Variants in EDIL3 observed in about 807,000 individuals in gnomAD.
EDIL3 encodes the protein EGF-like repeat and discoidin I-like domain-containing protein 3.
Under a neutral mutation model 67.4 loss-of-function variants are expected in EDIL3, and 37 were observed. That is an observed-to-expected ratio of 0.55 (90% CI 0.42 to 0.72). EDIL3 has a LOEUF of 0.72. EDIL3 is among the 30% of genes least tolerant of loss of function. The pLI, the probability that EDIL3 is intolerant of heterozygous loss-of-function variation, is 0.00. For synonymous variants in EDIL3, 195 were observed against 196.3 expected, an observed-to-expected ratio of 0.99 and a Z score of 0.05; for missense variants, 527 against 586.3, an observed-to-expected ratio of 0.90 and a Z score of 1.04.
intron 4 of EDIL3, among the ~76,000 whole-genome samples, chr5:84,150,152 C>CA (rs1748364167): frequency 6.6e-6 from 1 of 152,030 alleles, no homozygotes; most frequent in African/African-American, 2.4e-5. Context: ...CAAAAGACAT[C>CA]AAAATTATTC....
intron 3 of EDIL3, among the ~76,000 whole-genome samples, chr5:84,208,495 A>C (rs1291598389): frequency 6.6e-6 from 1 of 151,088 alleles, no homozygotes; most frequent in African/African-American, 2.4e-5. Flanking sequence ...CTGGCTAACA[A>C]GGTGAAACCC....
At chr5:84,076,631 G>C (rs1746861890) in intron 6 of EDIL3, among the ~76,000 whole-genome samples, 1 of 152,104 alleles carries the variant, frequency 6.6e-6, no homozygotes, top group Non-Finnish European at 1.5e-5. Flanking sequence ...CATCAGAAAA[G>C]TTTTTAATTA....
intron 4 of EDIL3, among the ~76,000 whole-genome samples, chr5:84,143,114 G>T (rs1748232555): frequency 6.6e-6 from 1 of 151,862 alleles, no homozygotes; most frequent in African/African-American, 2.4e-5. Flanking sequence ...TTTAAAGATT[G>T]AATTTCTATT....
At chr5:84,041,256 C>T (rs6875227) in intron 9 of EDIL3, among the ~76,000 whole-genome samples, 7,517 of 151,954 alleles carry the variant, frequency 0.049, 627 homozygotes, top group African/African-American at 0.17. Context: ...ATATATTTGT[C>T]CAAAAATGCA....
chr5:84,316,063 G>C (rs959364726), intron 1 of EDIL3, among the ~76,000 whole-genome samples: 4 of 152,178 alleles, frequency 2.6e-5, no homozygotes, highest in Non-Finnish European at 5.9e-5. Context: ...GAAATGCTGA[G>C]AGATGTTGTC....
chr5:84,085,498 T>C (rs923135769), intron 6 of EDIL3, among the ~76,000 whole-genome samples: 1 of 152,164 alleles, frequency 6.6e-6, no homozygotes, highest in Non-Finnish European at 1.5e-5. Context: ...CTGGGTATCA[T>C]CACTGGAGGC....
intron 6 of EDIL3, among the ~76,000 whole-genome samples, chr5:84,098,725 C>T (rs1747309870): frequency 6.6e-6 from 1 of 152,084 alleles, no homozygotes; most frequent in African/African-American, 2.4e-5. Flanking sequence ...AACAAAACTA[C>T]AACACTTCAG....
rs527669296 is a variant in EDIL3, at chr5:84,049,549, T to C, written c.1137+10751A>G. 2.4e-4 allele frequency among the ~76,000 whole-genome samples: 36 copies of C among 152,324 alleles called. No individual in the cohort carries two copies. In the South Asian group the frequency reaches 7.0e-3, roughly 30 times the overall value. ...TGTGAGTTAAATGTTACTTTATTTTTATAACAAAGATTAATATCTATCCTA... is the reference window on the plus strand; with the variant it reads ...TGTGAGTTAAATGTTACTTTATTTTCATAACAAAGATTAATATCTATCCTA... On this transcript the variant is annotated intron_variant, in intron 9 of 10. Coordinates refer to ENST00000296591, the MANE Select transcript of EDIL3 (RefSeq NM_005711.5).
In EDIL3 at chr5:83,942,562, C is replaced by A. The variant is rs1139750; in HGVS notation, c.*857G>T. 1 of 151,880 alleles carries A rather than the reference C, an allele frequency of 6.6e-6. No individual in the cohort carries two copies. Among genetic ancestry groups the A allele is most frequent in the Admixed American group, 6.6e-5 (1 of 15,214 alleles). The allele number at this position is 151,880 out of a possible 1,614,324, so 9.4% of individuals were successfully genotyped here. A position where few individuals can be genotyped will look rare whatever the true frequency, so the allele number is the denominator to read the frequency against. On this transcript the variant is annotated 3_prime_UTR_variant, in exon 11 of 11. Transcript: ENST00000296591. ...TAAAGAGACATATATATTTTTTGTT[C>A]TTTTGTGCAAACTGAGAGTATGGGA... is the stretch of plus-strand genomic sequence containing the variant.
At chr5:84,083,286 C>T (rs1004105447) in intron 6 of EDIL3, among the ~76,000 whole-genome samples, 3 of 152,000 alleles carry the variant, frequency 2.0e-5, no homozygotes, top group Non-Finnish European at 2.9e-5. Context: ...TTAGGGATAA[C>T]GGTGGTGCTA....
At chr5:84,224,749 A>T (rs1458152430) in intron 3 of EDIL3, among the ~76,000 whole-genome samples, 1 of 151,560 alleles carries the variant, frequency 6.6e-6, no homozygotes, top group African/African-American at 2.4e-5. Context: ...AAGTCAGATA[A>T]ATATAGTAGC....
chr5:84,056,425 C>G (rs190168827), intron 9 of EDIL3, among the ~76,000 whole-genome samples: 142 of 152,092 alleles, frequency 9.3e-4, no homozygotes, highest in Non-Finnish European at 1.7e-3. Flanking sequence ...ACATATGTAA[C>G]AAACCTTCAC....
At chr5:84,195,874 A>G (rs1001214452) in intron 3 of EDIL3, among the ~76,000 whole-genome samples, 4 of 151,972 alleles carry the variant, frequency 2.6e-5, no homozygotes, top group African/African-American at 7.2e-5. Context: ...TTTGATCTAT[A>G]TGCTAGAGGG....
At chr5:84,264,190 G>A (rs1283095588) in intron 1 of EDIL3, among the ~76,000 whole-genome samples, 4 of 152,188 alleles carry the variant, frequency 2.6e-5, no homozygotes, top group Admixed American at 6.5e-5. Flanking sequence ...AGGTTGCAGC[G>A]AGCCGAGACT....
At chr5:84,124,688 C>A (rs1482209971) in intron 5 of EDIL3, among the ~76,000 whole-genome samples, 1 of 150,096 alleles carries the variant, frequency 6.7e-6, no homozygotes. Context: ...ACCCAAGGAA[C>A]AAAAAAAAAT....
rs559747104 is a variant in EDIL3 at position 84,087,403 on chromosome 5, C to T, written c.651+19246G>A. 7.9e-5 allele frequency among the ~76,000 whole-genome samples: 12 copies of T among 152,310 alleles called. No individual in the cohort carries two copies. The South Asian group carries it at 1.2e-3, about 16-fold the overall frequency. On this transcript the variant is annotated intron_variant, in intron 6 of 10. Transcript: ENST00000296591. ...GATCACTGATCTTGAACATCCTCTTCCTTCACCATATAATATAACTGCTTA... is the reference window on the plus strand; with the variant it reads ...GATCACTGATCTTGAACATCCTCTTTCTTCACCATATAATATAACTGCTTA...
At chr5:84,116,321 T>C (rs888079066) in intron 5 of EDIL3, among the ~76,000 whole-genome samples, 4 of 151,762 alleles carry the variant, frequency 2.6e-5, no homozygotes, top group African/African-American at 9.7e-5. Context: ...GAGAGCAAAA[T>C]GGAGCCTAGA....
intron 4 of EDIL3, among the ~76,000 whole-genome samples, chr5:84,166,996 G>A (rs1748716535): frequency 6.6e-6 from 1 of 152,108 alleles, no homozygotes; most frequent in Non-Finnish European, 1.5e-5. Context: ...GGCATGCCAG[G>A]TTATTTTTGT....
intron 5 of EDIL3, among the ~76,000 whole-genome samples, chr5:84,134,689 C>A (rs571409): frequency 6.6e-6 from 1 of 151,982 alleles, no homozygotes; most frequent in Non-Finnish European, 1.5e-5. Context: ...AGACAATAGA[C>A]AGAATAAAGA....
Sources: allele counts gnomAD v4.1 joint callset (sites outside exome capture counted in the v4.1 genomes callset), GRCh38; gene constraint gnomAD v4.1.1; transcripts MANE v1.5; gene names NCBI Gene and HGNC (gene_info 2026-07-23, HGNC 2026-07-21).